C10orf90: variants seen among roughly 807,000 people sequenced by gnomAD.
C10orf90 encodes the protein (E2-independent) E3 ubiquitin-conjugating enzyme FATS.
In C10orf90, 56 loss-of-function variants were observed where a neutral mutation model predicts 62.5. The observed-to-expected ratio is 0.90, with a 90% CI of 0.72 to 1.12. The LOEUF is 1.12. Among genes scored for constraint, C10orf90 ranks in the 50% most tolerant of loss-of-function variants. The probability of loss-of-function intolerance (pLI) is 0.00; values close to 1 mark genes in which losing one functional copy is unlikely to be tolerated. For missense variants in C10orf90, 970 were observed against 880.4 expected (o/e 1.10, Z -1.29); for synonymous variants, 386 against 340.4 (o/e 1.13, Z -1.47).
At chr10:126,558,173 C>A (rs975045316) in intron 2 of C10orf90, among the ~76,000 whole-genome samples, 1 of 152,178 alleles carries the variant, frequency 6.6e-6, no homozygotes, top group African/African-American at 2.4e-5. Context: ...GCTAATATCC[C>A]AGGCCAGGCT....
chr10:126,563,608 T>C (rs529366800), intron 2 of C10orf90, among the ~76,000 whole-genome samples: 1 of 152,190 alleles, frequency 6.6e-6, no homozygotes, highest in Non-Finnish European at 1.5e-5. Flanking sequence ...CAATCCACAT[T>C]GATGGCTGTG....
intron 2 of C10orf90, among the ~76,000 whole-genome samples, chr10:126,573,793 A>T (rs1048682576): frequency 1.3e-5 from 2 of 152,206 alleles, no homozygotes; most frequent in Non-Finnish European, 1.5e-5. Context: ...GAGGAAACTC[A>T]GAAAGTATTT....
At chr10:126,562,696 C>CA (rs1253951046) in intron 2 of C10orf90, among the ~76,000 whole-genome samples, 2 of 152,174 alleles carry the variant, frequency 1.3e-5, no homozygotes, top group Non-Finnish European at 1.5e-5. Flanking sequence ...TGGTTACAGA[C>CA]AATTCTCCTA....
intron 2 of C10orf90, among the ~76,000 whole-genome samples, chr10:126,641,563 C>T (rs1846059510): frequency 1.3e-5 from 2 of 151,938 alleles, no homozygotes; most frequent in African/African-American, 4.8e-5. Context: ...TTTACATTTC[C>T]CCTAAATGAT....
At chr10:126,569,742 CT>C (rs1325491794) in intron 2 of C10orf90, among the ~76,000 whole-genome samples, 1 of 152,060 alleles carries the variant, frequency 6.6e-6, no homozygotes, top group Non-Finnish European at 1.5e-5. Context: ...GCTAATGGCT[CT>C]CAGTGTTATA....
chr10:126,613,863 C>A (rs979976557), intron 2 of C10orf90, among the ~76,000 whole-genome samples: 1 of 152,148 alleles, frequency 6.6e-6, no homozygotes, highest in Non-Finnish European at 1.5e-5. Context: ...ACAGAAACTG[C>A]GATAATCTGG....
chr10:126,663,098 AC>A (rs1846551027), intron 1 of C10orf90, among the ~76,000 whole-genome samples: 1 of 152,172 alleles, frequency 6.6e-6, no homozygotes, highest in African/African-American at 2.4e-5. Context: ...GAGGAAGAGG[AC>A]CTAGAGTGGC....
chr10:126,604,326 C>CA (rs1472444753), intron 2 of C10orf90, among the ~76,000 whole-genome samples: 4 of 152,090 alleles, frequency 2.6e-5, no homozygotes, highest in African/African-American at 4.8e-5. Context: ...CAACCATCAC[C>CA]AAAAAAATGC....
intron 3 of C10orf90, among the ~76,000 whole-genome samples, chr10:126,505,518 G>A (rs1348252568): frequency 6.6e-6 from 1 of 152,176 alleles, no homozygotes; most frequent in African/African-American, 2.4e-5. Flanking sequence ...GTCCTGAAAG[G>A]AAACAGCAAC....
intron 7 of C10orf90, among the ~76,000 whole-genome samples, chr10:126,451,359 C>T (rs914509683): frequency 6.6e-6 from 1 of 152,032 alleles, no homozygotes; most frequent in Non-Finnish European, 1.5e-5. Flanking sequence ...AGTATGTTGA[C>T]GAGGTATCAG....
Position 126,595,223 on chromosome 10 carries a change from A to G in C10orf90, c.313+51342T>C, listed in dbSNP as rs374302113. On this transcript the variant is annotated intron_variant, in intron 2 of 9. Coordinates refer to ENST00000488181, the MANE Select transcript of C10orf90 (RefSeq NM_001350921.2). ...AGAATCCAGAGTCTTTGGAAACCCA[A>G]GCAGATCATGAGGATGTCAGGTCAC... 1.4e-4 allele frequency among the ~76,000 whole-genome samples: 21 copies of G among 152,242 alleles called. No individual in the cohort carries two copies. In the South Asian group the frequency reaches 2.3e-3, roughly 17 times the overall value.
intron 2 of C10orf90, among the ~76,000 whole-genome samples, chr10:126,585,279 GAAAC>G (rs1271956475): frequency 2.7e-5 from 4 of 148,824 alleles, no homozygotes; most frequent in Admixed American, 1.4e-4. Context: ...GAAAGAAAAA[GAAAC>G]AAAGAAAGCA....
intron 2 of C10orf90, among the ~76,000 whole-genome samples, chr10:126,538,168 G>A (rs543702576): frequency 9.2e-5 from 14 of 152,260 alleles, no homozygotes; most frequent in Admixed American, 5.2e-4. Context: ...TCCACATGGC[G>A]GCAGGCAAGA....
intron 2 of C10orf90, among the ~76,000 whole-genome samples, chr10:126,610,147 G>A (rs576966189): frequency 6.6e-6 from 1 of 152,170 alleles, no homozygotes; most frequent in South Asian, 2.1e-4. Flanking sequence ...AGGCTGACCT[G>A]CATGGACCAT....
chr10:126,612,190 G>A (rs111931881), intron 2 of C10orf90, among the ~76,000 whole-genome samples: 179 of 152,234 alleles, frequency 1.2e-3, no homozygotes, highest in African/African-American at 4.2e-3. Context: ...GCATGGAGGC[G>A]CGCACCTGTA....
intron 2 of C10orf90, among the ~76,000 whole-genome samples, chr10:126,592,101 T>C (rs1182700437): frequency 1.3e-5 from 2 of 152,152 alleles, no homozygotes; most frequent in Non-Finnish European, 2.9e-5. Flanking sequence ...AGAATCAATA[T>C]CATGAAAATA....
chr10:126,444,997 C>T (rs1167194820), intron 7 of C10orf90, among the ~76,000 whole-genome samples: 1 of 152,124 alleles, frequency 6.6e-6, no homozygotes, highest in African/African-American at 2.4e-5. Flanking sequence ...CCTCATCTCT[C>T]ACCTTAGACA....
In C10orf90 at chr10:126,476,223, G is replaced by T. The variant is rs185821828; in HGVS notation, c.1535-11237C>A. 1.3e-3 allele frequency among the ~76,000 whole-genome samples: 195 copies of T among 152,294 alleles called. 1 individual carries two copies. Among genetic ancestry groups the T allele is most frequent in the African/African-American group, 4.3e-3 (179 of 41,556 alleles). On this transcript the variant is annotated intron_variant, in intron 4 of 9. Transcript: ENST00000488181. ...CAGCGCTCCTGGGGCCGCTGGAAGCGCTTCCTAGCCCGGCTGACATCATCT... is the reference window on the plus strand; with the variant it reads ...CAGCGCTCCTGGGGCCGCTGGAAGCTCTTCCTAGCCCGGCTGACATCATCT...
rs1361971882 is a variant in C10orf90 at position 126,442,495 on chromosome 10, A to AT, written c.2189-12646dup. The stretch of plus-strand genomic sequence containing the variant: ...CAATATTTCATATATATATATATAT[A>AT]TATATATATATATCTGTTAAGTCCA... On this transcript the variant is annotated intron_variant, in intron 7 of 9. Transcript: ENST00000488181. 3.6e-3 allele frequency among the ~76,000 whole-genome samples: 394 copies of AT among 109,202 alleles called. 25 individuals carry two copies. Among genetic ancestry groups the AT allele is most frequent in the African/African-American group, 0.014 (377 of 26,918 alleles). The allele number at this position is 109,202 out of a possible 152,430, so 71.6% of individuals were successfully genotyped here. A position where few individuals can be genotyped will look rare whatever the true frequency, so the allele number is the denominator to read the frequency against.
Sources: gnomAD v4.1 joint callset for allele counts (sites outside exome capture counted in the v4.1 genomes callset) on GRCh38, gnomAD v4.1.1 for gene constraint, MANE v1.5 for transcripts, NCBI Gene and HGNC (gene_info 2026-07-23, HGNC 2026-07-21) for gene names.